TTC27: variants seen among roughly 807,000 people sequenced by gnomAD.
The protein encoded by TTC27 is tetratricopeptide repeat domain 27.
A neutral mutation model predicts 115.9 loss-of-function variants in TTC27; 79 were observed. The ratio of observed to expected loss-of-function variants is 0.68; its 90% CI spans 0.57 to 0.82. The LOEUF is 0.82. Among genes scored for constraint, TTC27 ranks in the 40% least tolerant of loss-of-function variants. The pLI, the probability that TTC27 is intolerant of heterozygous loss-of-function variation, is 0.00. For synonymous variants in TTC27, 401 were observed against 356.0 expected (o/e 1.13, Z -1.42); for missense variants, 1,054 against 993.1 (o/e 1.06, Z -0.82).
intron 16 of TTC27, among the ~76,000 whole-genome samples, chr2:32,790,447 A>C (rs1460944571): frequency 1.3e-5 from 2 of 152,038 alleles, no homozygotes; most frequent in Non-Finnish European, 2.9e-5. Context: ...ATAATATTTT[A>C]ATTGGCAAAC....
chr2:32,628,052 TCTC>T lies in TTC27; in HGVS notation c.-238_-236del, dbSNP rs1343279539. The T allele has an allele frequency of 4.0e-6, 2 of 501,268 alleles. No individual in the cohort carries two copies. Among genetic ancestry groups the T allele is most frequent in the Admixed American group, 3.8e-5 (1 of 26,508 alleles). The allele number at this position is 501,268 out of a possible 1,614,324, so 31.1% of individuals were successfully genotyped here. ...GGCTCCTTACTCAAGCTCGGGTTCTTCTCCTAGGCGGAAGCCAGACCAGAGAGC... is the reference window on the plus strand; with the variant it reads ...GGCTCCTTACTCAAGCTCGGGTTCTTCTAGGCGGAAGCCAGACCAGAGAGC... On this transcript the variant is annotated 5_prime_UTR_variant, in exon 1 of 20. Transcript: ENST00000317907.
intron 15 of TTC27, 115 bp from the exon 16 acceptor site, chr2:32,786,869 T>G: frequency 1.1e-6 from 1 of 930,468 alleles, no homozygotes; most frequent in Non-Finnish European, 1.5e-6. Context: ...TCTGTTTGTT[T>G]ATATGAACGA....
chr2:32,657,178 G>A (rs564623271), intron 5 of TTC27, among the ~76,000 whole-genome samples: 2 of 151,450 alleles, frequency 1.3e-5, no homozygotes, highest in South Asian at 2.1e-4. Flanking sequence ...GTAGAGACGG[G>A]GTTTCACTGT....
intron 5 of TTC27, among the ~76,000 whole-genome samples, chr2:32,661,675 G>C (rs1392666418): frequency 2.0e-5 from 3 of 152,130 alleles, no homozygotes; most frequent in Non-Finnish European, 4.4e-5. Context: ...GGGCTGAGAC[G>C]ATGGGGTTTT....
intron 18 of TTC27, among the ~76,000 whole-genome samples, chr2:32,816,825 G>C (rs1671515809): frequency 6.6e-6 from 1 of 152,186 alleles, no homozygotes; most frequent in African/African-American, 2.4e-5. Context: ...CCTTGGGCTT[G>C]TGTCATCAGC....
chr2:32,642,011 A>T (rs1225901533), intron 4 of TTC27, among the ~76,000 whole-genome samples: 1 of 152,046 alleles, frequency 6.6e-6, no homozygotes, highest in Non-Finnish European at 1.5e-5. Context: ...GGCTGCCACG[A>T]TGCATGGCTC....
Position 32,670,344 on chromosome 2 carries a change from GA to G in TTC27, c.940-1921del, listed in dbSNP as rs1011790631. On this transcript the variant is annotated intron_variant, in intron 7 of 19. Transcript: ENST00000317907. ...AGACGCGTGTCACCACCACCACAATGAAAAAAAGTTTCTCCAAAGAGTGCCG... is the reference window on the plus strand; with the variant it reads ...AGACGCGTGTCACCACCACCACAATGAAAAAAGTTTCTCCAAAGAGTGCCG... Among the ~76,000 whole-genome samples the G allele has an allele frequency of 1.1e-4, 16 of 152,046 alleles. No homozygotes were observed. The East Asian group carries it at 2.1e-3, about 20-fold the overall frequency.
At chr2:32,711,889 G>C (rs1043739406) in intron 10 of TTC27, among the ~76,000 whole-genome samples, 19 of 152,046 alleles carry the variant, frequency 1.2e-4, no homozygotes, top group African/African-American at 4.6e-4. Flanking sequence ...GCAGTGAGCC[G>C]AGATTGTGCC....
Position 32,817,501 on chromosome 2 carries a change from G to A in TTC27, c.2353G>A (p.Val785Ile). ...AAACAAATCCAGTTCCCAAGAAGCT[G>A]TACAAATGCTTTCTTCTGTTCGACT... is the stretch of plus-strand genomic sequence containing the variant. ...SKNKSSSQEA[V>I]QMLSSVRLNL... Residue 785 changes from valine to isoleucine, a missense_variant, in exon 19 of 20, where the codon GTA (valine) becomes ATA (isoleucine). By Grantham distance (29) the Val-to-Ile change is conservative. Transcript: ENST00000317907. The A allele has an allele frequency of 3.7e-6, 6 of 1,614,038 alleles. No individual in the cohort carries two copies. The highest frequency in any genetic ancestry group is 5.1e-6 in the Non-Finnish European group (6 of 1,179,968).
chr2:32,678,818 A>G (rs1450597247), intron 8 of TTC27, 38 bp from the exon 9 acceptor site: 2 of 1,450,156 alleles, frequency 1.4e-6, no homozygotes, highest in East Asian at 4.6e-5. Flanking sequence ...TACAACATGC[A>G]TCTTATAATT....
chr2:32,818,925 G>T (rs1475430435), intron 19 of TTC27, among the ~76,000 whole-genome samples: 1 of 152,036 alleles, frequency 6.6e-6, no homozygotes, highest in Non-Finnish European at 1.5e-5. Context: ...CATGACCCAG[G>T]AGAACTATAT....
rs1192656291 is a variant in TTC27, at chr2:32,778,334, GATA to G, written c.1779+360_1779+362del. 4.6e-5 allele frequency among the ~76,000 whole-genome samples: 7 copies of G among 152,030 alleles called. No homozygotes were observed. In the East Asian group the frequency reaches 1.2e-3, roughly 25 times the overall value. On this transcript the variant is annotated intron_variant, in intron 14 of 19. Coordinates refer to ENST00000317907, the MANE Select transcript of TTC27 (RefSeq NM_017735.5). ...CTTTTTATATTTGATAGTTTTATGAGATAATAATTCACATACCATATAATTCAC... is the reference window on the plus strand; with the variant it reads ...CTTTTTATATTTGATAGTTTTATGAGATAATTCACATACCATATAATTCAC...
intron 9 of TTC27, among the ~76,000 whole-genome samples, chr2:32,694,310 C>T (rs928099518): frequency 2.0e-5 from 3 of 152,070 alleles, no homozygotes; most frequent in African/African-American, 4.8e-5. Context: ...TATACAGAAA[C>T]ATATCAGAGC....
intron 13 of TTC27, among the ~76,000 whole-genome samples, chr2:32,770,785 G>A (rs1669803503): frequency 1.3e-5 from 2 of 152,058 alleles, no homozygotes; most frequent in Non-Finnish European, 2.9e-5. Flanking sequence ...TTTAGCTTTT[G>A]AAAGGATAAA....
chr2:32,655,606 C>T (rs1227751001), intron 5 of TTC27, among the ~76,000 whole-genome samples: 1 of 152,164 alleles, frequency 6.6e-6, no homozygotes, highest in Non-Finnish European at 1.5e-5. Context: ...GCTTCTCACT[C>T]ATACCAATGG....
intron 14 of TTC27, among the ~76,000 whole-genome samples, chr2:32,780,374 T>C (rs1298121681): frequency 6.6e-6 from 1 of 152,216 alleles, no homozygotes; most frequent in Non-Finnish European, 1.5e-5. Context: ...TACACCTCTT[T>C]TGTTAAGTTA....
intron 5 of TTC27, among the ~76,000 whole-genome samples, chr2:32,652,239 TG>T (rs764805305): frequency 1.3e-5 from 2 of 151,984 alleles, no homozygotes; most frequent in Non-Finnish European, 2.9e-5. Flanking sequence ...GGCATGGTGG[TG>T]GGCACCTGTA....
At chr2:32,731,321 C>T (rs1460452313) in intron 10 of TTC27, among the ~76,000 whole-genome samples, 4 of 151,906 alleles carry the variant, frequency 2.6e-5, no homozygotes, top group Admixed American at 1.3e-4. Flanking sequence ...ATTCCTGATC[C>T]GCCTGCCTCA....
At chr2:32,766,888 C>A (rs1330079638) in intron 13 of TTC27, among the ~76,000 whole-genome samples, 1 of 152,132 alleles carries the variant, frequency 6.6e-6, no homozygotes, top group Non-Finnish European at 1.5e-5. Context: ...CGGGTTCAAG[C>A]AATCCTGCTG....
Sources: gnomAD v4.1 joint callset for allele counts (sites outside exome capture counted in the v4.1 genomes callset) on GRCh38, gnomAD v4.1.1 for gene constraint, MANE v1.5 for transcripts, NCBI Gene and HGNC (gene_info 2026-07-23, HGNC 2026-07-21) for gene names.